MFN1: variants seen among roughly 807,000 people sequenced by gnomAD.
MFN1 encodes the protein mitofusin 1.
In MFN1, 65 loss-of-function variants were observed where a neutral mutation model predicts 92.4. The ratio of observed to expected loss-of-function variants is 0.70; its 90% CI spans 0.58 to 0.86. The LOEUF (loss-of-function observed/expected upper bound fraction) is 0.86. MFN1 is among the 40% of genes least tolerant of loss of function. The pLI is 0.00. For synonymous variants in MFN1, 297 were observed against 300.9 expected (o/e 0.99, Z 0.13); for missense variants, 781 against 868.0 (o/e 0.90, Z 1.26).
intron 5 of MFN1, among the ~76,000 whole-genome samples, chr3:179,363,419 T>C (rs1164228811): frequency 6.7e-6 from 1 of 149,784 alleles, no homozygotes; most frequent in Non-Finnish European, 1.5e-5. Context: ...TAAAAATAAC[T>C]AAAAGAATAT....
Position 179,372,076 on chromosome 3 carries a change from AATAC to A in MFN1, c.976-3140_976-3137del, listed in dbSNP as rs1348386490. ...ATTTATTATATATTATATATTATAT[AATAC>A]ATATATAAATATTATATATAATGTT... On this transcript the variant is annotated intron_variant, in intron 9 of 17. Transcript: ENST00000471841. Among the ~76,000 whole-genome samples the A allele has an allele frequency of 4.1e-5, 6 of 147,392 alleles. No individual in the cohort carries two copies. The East Asian group carries it at 9.7e-4, about 24-fold the overall frequency.
In MFN1 at chr3:179,367,487, C is replaced by A; in HGVS notation, c.802C>A (p.Leu268Ile). Reference sequence around the variant, plus strand: ...ATGCCTGCATTTCTTGGTGGAGGAGCTCAAAGTTGTAAATGCTTTAGAAGC... The same window carrying A: ...ATGCCTGCATTTCTTGGTGGAGGAGATCAAAGTTGTAAATGCTTTAGAAGC... ...ERCLHFLVEE[L>I]KVVNALEAQN... Residue 268 changes from leucine (L) to isoleucine (I), a missense_variant, in exon 8 of 18, where the codon CTC (leucine) becomes ATC (isoleucine). Transcript: ENST00000471841. The A allele has an allele frequency of 6.2e-7, 1 of 1,613,444 alleles. No individual in the cohort carries two copies. Among genetic ancestry groups the A allele is most frequent in the Non-Finnish European group, 8.5e-7 (1 of 1,179,756 alleles).
At chr3:179,389,354 C>G (rs1276692802) in intron 16 of MFN1, among the ~76,000 whole-genome samples, 5 of 152,104 alleles carry the variant, frequency 3.3e-5, no homozygotes, top group Admixed American at 2.0e-4. Context: ...GCAGTTCATG[C>G]TAGGGGTTAT....
rs1712847848 is a variant in MFN1 at position 179,367,607 on chromosome 3, T to C, written c.907+15T>C. 5.7e-6 allele frequency: 9 copies of C among 1,581,922 alleles called. No homozygotes were observed. Among genetic ancestry groups the C allele is most frequent in the Non-Finnish European group, 7.7e-6 (9 of 1,168,830 alleles). On this transcript the variant is annotated intron_variant, in intron 8 of 17. Coordinates refer to ENST00000471841, the MANE Select transcript of MFN1 (RefSeq NM_033540.3). ...GCCAGAAAGTGGTATGCATTACCTA[T>C]AGATTTCCTGTTTAAATATAAAAAT...
Position 179,367,466 on chromosome 3 carries a change from CT to C in MFN1, c.782del (p.Leu261ArgfsTer11), listed in dbSNP as rs758416178. The C allele has an allele frequency of 6.2e-7, 1 of 1,612,512 alleles. No individual in the cohort carries two copies. Among genetic ancestry groups the C allele is most frequent in the Non-Finnish European group, 8.5e-7 (1 of 1,179,436 alleles). On this transcript the variant is annotated frameshift_variant, in exon 8 of 18. Transcript: ENST00000471841. LOFTEE classifies it high-confidence loss of function. Reference protein sequence around the residue: ...DVRRQHMERCLHFLVEELKVV... With the variant: ...DVRRQHMERCXHFLVEELKVV... ...ACGCAGACAGCACATGGAAAGATGC[CT>C]GCATTTCTTGGTGGAGGAGCTCAAA...
In MFN1 at chr3:179,368,096, TC is replaced by T; in HGVS notation, c.969del (p.Phe324LeufsTer10). ...RLQEFQNFEQ[I>X]FEECISQSAV... ...CAGGAATTTCAGAATTTTGAACAAA[TC>T]TTTGAGGTAGGAATTTTGTGATTGT... is the stretch of plus-strand genomic sequence containing the variant. On this transcript the variant is annotated frameshift_variant, in exon 9 of 18. Coordinates refer to ENST00000471841, the MANE Select transcript of MFN1 (RefSeq NM_033540.3). LOFTEE classifies it high-confidence loss of function. 2 of 1,563,268 alleles carry T rather than the reference TC, an allele frequency of 1.3e-6. No homozygotes were observed. The highest frequency in any genetic ancestry group is 1.7e-6 in the Non-Finnish European group (2 of 1,152,374).
chr3:179,391,326 C>A (rs1713892443), intron 17 of MFN1, among the ~76,000 whole-genome samples: 1 of 152,088 alleles, frequency 6.6e-6, no homozygotes, highest in African/African-American at 2.4e-5. Context: ...TATTTTTGGT[C>A]TGCTAATCAT....
At chr3:179,389,501 G>C (rs1166845162) in intron 16 of MFN1, among the ~76,000 whole-genome samples, 2 of 152,062 alleles carry the variant, frequency 1.3e-5, no homozygotes, top group Non-Finnish European at 2.9e-5. Context: ...AATGACACAT[G>C]CTTCATCTGT....
At chr3:179,352,091 A>G in intron 3 of MFN1, 56 bp downstream of exon 3, 7 of 1,504,966 alleles carry the variant, frequency 4.7e-6, no homozygotes, top group Non-Finnish European at 5.4e-6. Flanking sequence ...TTTGTGTCTG[A>G]TGTTTCAACA....
intron 4 of MFN1, among the ~76,000 whole-genome samples, chr3:179,360,223 A>T (rs552550593): frequency 6.6e-6 from 1 of 152,212 alleles, no homozygotes; most frequent in African/African-American, 2.4e-5. Context: ...GCTGAGACTA[A>T]CATTATTGAA....
At chr3:179,355,785 C>T (rs1234191327) in intron 3 of MFN1, among the ~76,000 whole-genome samples, 1 of 152,118 alleles carries the variant, frequency 6.6e-6, no homozygotes, top group Non-Finnish European at 1.5e-5. Flanking sequence ...ATCCCTGTCT[C>T]TACCAAAAAT....
chr3:179,389,939 G>A, intron 16 of MFN1, 65 bp from the exon 17 acceptor site: 2 of 1,434,624 alleles, frequency 1.4e-6, no homozygotes, highest in Non-Finnish European at 1.9e-6. Context: ...TTTTATGTGA[G>A]CTTTAAATTA....
intron 7 of MFN1, among the ~76,000 whole-genome samples, chr3:179,366,464 ATATT>A (rs990897732): frequency 5.3e-5 from 8 of 152,202 alleles, no homozygotes; most frequent in African/African-American, 7.2e-5. Flanking sequence ...ACTATAAATA[ATATT>A]TATTTAATTT....
intron 9 of MFN1, among the ~76,000 whole-genome samples, chr3:179,370,503 C>T (rs1478356818): frequency 1.3e-5 from 2 of 150,382 alleles, no homozygotes; most frequent in Non-Finnish European, 2.9e-5. Context: ...CCTCCGGCTC[C>T]TGGGTTCAAG....
chr3:179,363,167 AG>A (rs1278897765), intron 5 of MFN1, among the ~76,000 whole-genome samples: 8 of 152,194 alleles, frequency 5.3e-5, no homozygotes, highest in African/African-American at 1.9e-4. Context: ...ACAGTGGCGC[AG>A]TGTCAGCTTG....
At chr3:179,379,350 T>A (rs1475336536) in intron 14 of MFN1, among the ~76,000 whole-genome samples, 4 of 152,170 alleles carry the variant, frequency 2.6e-5, no homozygotes, top group African/African-American at 9.7e-5. Flanking sequence ...AAAAAAATTT[T>A]TTTTTGAGTG....
intron 9 of MFN1, among the ~76,000 whole-genome samples, chr3:179,374,098 T>C (rs1259309784): frequency 6.6e-6 from 1 of 151,018 alleles, no homozygotes; most frequent in East Asian, 2.0e-4. Context: ...AGGTCAGGAG[T>C]TGAAGACCGG....
intron 10 of MFN1, 121 bp downstream of exon 10, chr3:179,375,462 T>A: frequency 1.7e-6 from 2 of 1,167,760 alleles, no homozygotes; most frequent in South Asian, 1.4e-5. Context: ...CTTGTGGGTT[T>A]AACTGATGCC....
chr3:179,351,580 G>T (rs916082886), intron 2 of MFN1, among the ~76,000 whole-genome samples: 1 of 152,156 alleles, frequency 6.6e-6, no homozygotes, highest in East Asian at 1.9e-4. Context: ...CATTCAGTCA[G>T]GTTGGAACAA....
Sources: gnomAD v4.1 joint callset for allele counts (sites outside exome capture counted in the v4.1 genomes callset) on GRCh38, gnomAD v4.1.1 for gene constraint, MANE v1.5 for transcripts, NCBI Gene and HGNC (gene_info 2026-07-23, HGNC 2026-07-21) for gene names.